FANCC: variants seen among roughly 807,000 people sequenced by gnomAD.
FANCC encodes the protein Fanconi anemia group C protein.
A neutral mutation model predicts 71.3 loss-of-function variants in FANCC; 55 were observed. The observed-to-expected ratio is 0.77, with a 90% CI of 0.62 to 0.97. The LOEUF (loss-of-function observed/expected upper bound fraction) is 0.97, where lower values mean the gene tolerates loss of function less well. Ranked by LOEUF, FANCC falls within the 50% of genes least tolerant of loss-of-function variation. The pLI is 0.00. For synonymous variants in FANCC, 275 were observed against 244.9 expected (o/e 1.12, Z -1.15); for missense variants, 678 against 670.9 (o/e 1.01, Z -0.12).
chr9:95,114,631 A>G lies in FANCC; in HGVS notation c.1152T>C (p.His384=), dbSNP rs748127093. The stretch of plus-strand genomic sequence containing the variant: ...GGGAGTGGTCAGTGTTTGCTCACCC[A>G]TGAGTCTGGTCTTCAACTGCTTCTC... The part of the protein sequence containing the change: ...LLREAVEDQT[H]GSCGGPFESW... Residue 384 remains histidine, a splice_region_variant and synonymous_variant, in exon 12 of 15, where the codon CAT becomes CAC. Transcript: ENST00000289081. The G allele has an allele frequency of 5.0e-6, 8 of 1,613,672 alleles. No individual in the cohort carries two copies. The highest frequency in any genetic ancestry group is 1.7e-5 in the Admixed American group (1 of 60,012).
At chr9:95,194,971 A>G (rs1827338160) in intron 4 of FANCC, among the ~76,000 whole-genome samples, 1 of 152,084 alleles carries the variant, frequency 6.6e-6, no homozygotes, top group Non-Finnish European at 1.5e-5. Flanking sequence ...AGGCTGAGGC[A>G]GACAGATCAC....
chr9:95,112,792 C>T (rs1318375328), intron 12 of FANCC, among the ~76,000 whole-genome samples: 1 of 152,220 alleles, frequency 6.6e-6, no homozygotes, highest in Admixed American at 6.5e-5. Context: ...CATGTGGCCA[C>T]CTGAAAGGTA....
At chr9:95,185,043 G>C (rs574266223) in intron 4 of FANCC, among the ~76,000 whole-genome samples, 7 of 152,294 alleles carry the variant, frequency 4.6e-5, no homozygotes, top group Admixed American at 4.6e-4. Flanking sequence ...CTTAATATCT[G>C]AAATGATAAA....
In FANCC at chr9:95,122,880, G is replaced by A. The variant is rs139289637; in HGVS notation, c.996+2206C>T. On this transcript the variant is annotated intron_variant, in intron 10 of 14. Coordinates refer to ENST00000289081, the MANE Select transcript of FANCC (RefSeq NM_000136.3). ...ATTTACAGTTAGGCTCAAAATAACC[G>A]TGAGGGCCAGCTGTGCCTTCCAGCC... Among the ~76,000 whole-genome samples, 5 of 152,286 alleles carry A rather than the reference G, an allele frequency of 3.3e-5. No homozygotes were observed. In the East Asian group the frequency reaches 5.8e-4, roughly 18 times the overall value.
chr9:95,246,314 C>T (rs916182843), intron 3 of FANCC, among the ~76,000 whole-genome samples: 3 of 152,170 alleles, frequency 2.0e-5, no homozygotes, highest in African/African-American at 4.8e-5. Flanking sequence ...TCCACGCACG[C>T]CTGCTCACAG....
chr9:95,212,589 C>A (rs1336715065), intron 4 of FANCC, among the ~76,000 whole-genome samples: 1 of 151,886 alleles, frequency 6.6e-6, no homozygotes, highest in East Asian at 1.9e-4. Context: ...GCACTCCAAG[C>A]AATGGTAAGA....
At chr9:95,200,838 A>G (rs1413684094) in intron 4 of FANCC, among the ~76,000 whole-genome samples, 2 of 152,186 alleles carry the variant, frequency 1.3e-5, no homozygotes, top group East Asian at 3.8e-4. Context: ...TAAAAAATAT[A>G]CTCACCTAAG....
At chr9:95,240,013 C>T (rs1830543620) in intron 4 of FANCC, among the ~76,000 whole-genome samples, 1 of 152,242 alleles carries the variant, frequency 6.6e-6, no homozygotes, top group Non-Finnish European at 1.5e-5. Flanking sequence ...AGGGCAGCTG[C>T]AGCCCAGCCT....
intron 4 of FANCC, among the ~76,000 whole-genome samples, chr9:95,197,877 T>C (rs1827554553): frequency 6.6e-6 from 1 of 152,144 alleles, no homozygotes; most frequent in South Asian, 2.1e-4. Context: ...AAAAAGCCCT[T>C]CTGAGTGGGT....
Position 95,149,979 on chromosome 9 carries a change from T to C in FANCC, c.630A>G (p.Glu210=). Residue 210 remains glutamate, a synonymous_variant, in exon 7 of 15, where the codon GAA becomes GAG. Transcript: ENST00000289081. ...VEALLICHGR[E]PQEILQPEFF... ...ACTCTGGCTGGAGGATTTCCTGAGG[T>C]TCACGTCCATGACAGATGAGGAGAG... 1.2e-6 allele frequency: 2 copies of C among 1,613,086 alleles called. No homozygotes were observed. Among genetic ancestry groups the C allele is most frequent in the Non-Finnish European group, 1.7e-6 (2 of 1,179,676 alleles).
At chr9:95,127,707 C>T (rs370781888) in intron 8 of FANCC, among the ~76,000 whole-genome samples, 1 of 152,140 alleles carries the variant, frequency 6.6e-6, no homozygotes, top group Non-Finnish European at 1.5e-5. Flanking sequence ...GTTCACAGGC[C>T]CCCGTCGGCA....
At chr9:95,243,018 C>T (rs1353896626) in intron 3 of FANCC, among the ~76,000 whole-genome samples, 1 of 152,248 alleles carries the variant, frequency 6.6e-6, no homozygotes. Context: ...ACAACATACA[C>T]TTGCCATCTT....
In FANCC at chr9:95,197,991, G is replaced by A. The variant is rs78591624; in HGVS notation, c.346-25844C>T. ...CTAGAGAAAGGGTTGATCTCATCAGGGGAGAAGGTCTACAATCAAGAATAT... is the reference window on the plus strand; with the variant it reads ...CTAGAGAAAGGGTTGATCTCATCAGAGGAGAAGGTCTACAATCAAGAATAT... On this transcript the variant is annotated intron_variant, in intron 4 of 14. Transcript: ENST00000289081. Among the ~76,000 whole-genome samples, 437 of 152,258 alleles carry A rather than the reference G, an allele frequency of 2.9e-3. 15 individuals carry two copies. The East Asian group carries it at 0.051, about 18-fold the overall frequency.
At chr9:95,278,595 G>T (rs777485641) in intron 1 of FANCC, among the ~76,000 whole-genome samples, 22 of 152,136 alleles carry the variant, frequency 1.4e-4, no homozygotes, top group Non-Finnish European at 2.8e-4. Flanking sequence ...AGCAATCACA[G>T]GGGTAAACAA....
chr9:95,302,992 G>A lies in FANCC; in HGVS notation c.-79+14534C>T, dbSNP rs1411582699. The stretch of plus-strand genomic sequence containing the variant: ...TACAAATTCTAGTATTCCTAAGTAT[G>A]TCTTGAACCTAAAAAAGTTCAGACC... On this transcript the variant is annotated intron_variant, in intron 1 of 14. Coordinates refer to ENST00000289081, the MANE Select transcript of FANCC (RefSeq NM_000136.3). Among the ~76,000 whole-genome samples, 4 of 152,094 alleles carry A rather than the reference G, an allele frequency of 2.6e-5. No homozygotes were observed. The South Asian group carries it at 6.2e-4, about 24-fold the overall frequency.
At chr9:95,248,993 A>C in intron 2 of FANCC, 134 bp downstream of exon 2, 10 of 827,544 alleles carry the variant, frequency 1.2e-5, no homozygotes, top group Non-Finnish European at 2.0e-5. Context: ...GCTCTTGAGT[A>C]ATTTGTCTTC....
At chr9:95,149,845 TAC>T in intron 7 of FANCC, 76 bp downstream of exon 7, 1 of 1,485,382 alleles carries the variant, frequency 6.7e-7, no homozygotes, top group Non-Finnish European at 9.2e-7. Flanking sequence ...ACTGCTGTCG[TAC>T]AGTCTTTCCA....
chr9:95,123,614 A>C, intron 10 of FANCC: 1 of 601,242 alleles, frequency 1.7e-6, no homozygotes, highest in Non-Finnish European at 3.2e-6. Flanking sequence ...ATGTGTGCCC[A>C]AGGACAAGGC....
chr9:95,169,743 T>A (rs559535996), intron 6 of FANCC, among the ~76,000 whole-genome samples: 1 of 152,360 alleles, frequency 6.6e-6, no homozygotes, highest in African/African-American at 2.4e-5. Context: ...CTCACTATAA[T>A]TTTTTGGGAT....
Sources: gnomAD v4.1 joint callset for allele counts (sites outside exome capture counted in the v4.1 genomes callset) on GRCh38, gnomAD v4.1.1 for gene constraint, MANE v1.5 for transcripts, NCBI Gene and HGNC (gene_info 2026-07-23, HGNC 2026-07-21) for gene names.